The following LRP1B variants were observed in gnomAD, a reference collection of about 807,000 sequenced individuals.
LRP1B encodes LDL receptor related protein 1B, also known as low-density lipoprotein receptor-related protein 1B.
LRP1B carries 217 observed loss-of-function variants against 556.6 expected under a neutral mutation model. That is an observed-to-expected ratio of 0.39 (90% CI 0.35 to 0.44). The LOEUF is 0.44. Ranked by LOEUF, LRP1B falls within the 20% of genes least tolerant of loss-of-function variation. The pLI is 1.00. For synonymous variants in LRP1B, 2,047 were observed against 1,865.8 expected (o/e 1.10, Z -2.50); for missense variants, 5,053 against 5,620.8 (o/e 0.90, Z 3.23).
intron 49 of LRP1B, among the ~76,000 whole-genome samples, chr2:140,519,164 G>C (rs1690045938): frequency 6.6e-6 from 1 of 152,068 alleles, no homozygotes; most frequent in African/African-American, 2.4e-5. Context: ...ACAATCCTAA[G>C]CAAAAAGAAC....
At chr2:141,047,755 C>T (rs1698919482) in intron 11 of LRP1B, among the ~76,000 whole-genome samples, 1 of 152,064 alleles carries the variant, frequency 6.6e-6, no homozygotes, top group Middle Eastern at 3.2e-3. Context: ...CAGCAGCTTT[C>T]CATTTAGGTC....
intron 1 of LRP1B, among the ~76,000 whole-genome samples, chr2:141,942,813 A>G (rs1434232817): frequency 6.6e-6 from 1 of 152,190 alleles, no homozygotes; most frequent in Non-Finnish European, 1.5e-5. Context: ...CGAGGAGACC[A>G]TATATCTCCT....
intron 3 of LRP1B, among the ~76,000 whole-genome samples, chr2:141,279,649 T>C (rs144928610): frequency 2.0e-3 from 300 of 152,220 alleles, no homozygotes; most frequent in African/African-American, 6.8e-3. Context: ...ATGTCTGTCA[T>C]ATTTCATTTC....
Position 140,378,274 on chromosome 2 carries a change from C to T in LRP1B, c.10544G>A (p.Cys3515Tyr). 1.2e-6 allele frequency: 2 copies of T among 1,605,632 alleles called. No individual in the cohort carries two copies. The highest frequency in any genetic ancestry group is 1.7e-6 in the Non-Finnish European group (2 of 1,172,888). The change falls in exon 68 of 91, where the codon TGT becomes TAT. Residue 3515 changes from cysteine (C) to tyrosine (Y), a missense_variant. By Grantham distance (194) the Cys-to-Tyr change is radical. This residue lies in a region of LRP1B where 262 missense variants were observed against 395.1 expected (regional missense o/e 0.66). Coordinates refer to ENST00000389484, the MANE Select transcript of LRP1B (RefSeq NM_018557.3). The stretch of plus-strand genomic sequence containing the variant: ...GGCACAGAGGAAATCTTTCAATGTA[C>T]ATGTCTGTGGCTCTGGGGATAAAAA... ...SDEENCKPQT[C>Y]TLKDFLCANG...
intron 2 of LRP1B, among the ~76,000 whole-genome samples, chr2:141,535,116 T>C (rs1171718678): frequency 6.6e-6 from 1 of 152,178 alleles, no homozygotes; most frequent in East Asian, 1.9e-4. Context: ...CTAACAATTA[T>C]CTGACTGCTC....
chr2:140,537,948 A>G (rs1027728714), intron 45 of LRP1B, among the ~76,000 whole-genome samples: 1 of 152,106 alleles, frequency 6.6e-6, no homozygotes, highest in African/African-American at 2.4e-5. Context: ...GTCTGCTTGC[A>G]TGTACGTACT....
chr2:141,743,495 T>TTTTTC, intron 2 of LRP1B, among the ~76,000 whole-genome samples: 1 of 40,238 alleles, frequency 2.5e-5, no homozygotes, highest in Non-Finnish European at 5.6e-5. Context: ...TCTTTTTTTT[T>TTTTTC]TTTTTCTTTT....
At chr2:141,049,812 A>G (rs1268359469) in intron 10 of LRP1B, among the ~76,000 whole-genome samples, 1 of 152,064 alleles carries the variant, frequency 6.6e-6, no homozygotes, top group Admixed American at 6.6e-5. Context: ...TCAAATTTTA[A>G]TTAGAATGTT....
intron 86 of LRP1B, among the ~76,000 whole-genome samples, chr2:140,258,028 C>A (rs1237652485): frequency 1.3e-5 from 2 of 152,102 alleles, no homozygotes; most frequent in African/African-American, 4.8e-5. Context: ...TTAGCCATCA[C>A]AATGTAGAGG....
intron 20 of LRP1B, among the ~76,000 whole-genome samples, chr2:140,944,490 T>C (rs896682785): frequency 6.6e-6 from 1 of 152,116 alleles, no homozygotes; most frequent in Non-Finnish European, 1.5e-5. Context: ...ATATTCCTAA[T>C]GAACACAGAC....
chr2:141,887,747 A>G (rs1277169909), intron 1 of LRP1B, among the ~76,000 whole-genome samples: 2 of 152,204 alleles, frequency 1.3e-5, no homozygotes, highest in African/African-American at 2.4e-5. Flanking sequence ...GTCCACAAAT[A>G]TCGATCATCA....
At chr2:140,392,790 A>G (rs367885174) in intron 66 of LRP1B, among the ~76,000 whole-genome samples, 4 of 152,282 alleles carry the variant, frequency 2.6e-5, no homozygotes, top group East Asian at 3.9e-4. Context: ...TAATCTGTGA[A>G]TTTAAGGATG....
Position 141,625,530 on chromosome 2 carries a change from T to A in LRP1B, c.206-144997A>T, listed in dbSNP as rs375507167. ...ATTTTGCCCACTTATTTTAACCTTTTATTTGTTACTGAAAGAATGTAATCT... is the reference window on the plus strand; with the variant it reads ...ATTTTGCCCACTTATTTTAACCTTTAATTTGTTACTGAAAGAATGTAATCT... On this transcript the variant is annotated intron_variant, in intron 2 of 90. Transcript: ENST00000389484. Among the ~76,000 whole-genome samples, 7 of 152,196 alleles carry A rather than the reference T, an allele frequency of 4.6e-5. No homozygotes were observed. The East Asian group carries it at 5.8e-4, about 13-fold the overall frequency.
chr2:140,849,064 T>C (rs768026176), intron 29 of LRP1B, among the ~76,000 whole-genome samples: 2 of 151,606 alleles, frequency 1.3e-5, no homozygotes, highest in Non-Finnish European at 2.9e-5. Flanking sequence ...TAAGCTTAAG[T>C]AGGGGAGGGA....
Position 140,378,178 on chromosome 2 carries a change from A to G in LRP1B, c.10638+2T>C. On this transcript the variant is annotated splice_donor_variant, in intron 68 of 90. Coordinates refer to ENST00000389484, the MANE Select transcript of LRP1B (RefSeq NM_018557.3). LOFTEE classifies it high-confidence loss of function. ...TCTTTTTGATTTTACAAAGATGCCT[A>G]CCTCATCAGAGCCATCTGCACAGTC... 1 of 1,599,278 alleles carries G rather than the reference A, an allele frequency of 6.3e-7. No homozygotes were observed.
intron 35 of LRP1B, among the ~76,000 whole-genome samples, chr2:140,757,341 A>G (rs1320572684): frequency 6.6e-6 from 1 of 152,242 alleles, no homozygotes; most frequent in Non-Finnish European, 1.5e-5. Flanking sequence ...ACACAAAAAC[A>G]TCAATGATCC....
chr2:140,849,294 C>T lies in LRP1B; in HGVS notation c.4939+808G>A, dbSNP rs150210614. 2.1e-3 allele frequency among the ~76,000 whole-genome samples: 321 copies of T among 149,356 alleles called. 2 individuals carry two copies. Among genetic ancestry groups the T allele is most frequent in the African/African-American group, 7.3e-3 (294 of 40,534 alleles). On this transcript the variant is annotated intron_variant, in intron 29 of 90. Coordinates refer to ENST00000389484, the MANE Select transcript of LRP1B (RefSeq NM_018557.3). Reference sequence around the variant, plus strand: ...AGGCTGAGGCAGAGAATTGCTTGAACCTGGTAGATGGAGGTTGCAGTGAGC... The same window carrying T: ...AGGCTGAGGCAGAGAATTGCTTGAATCTGGTAGATGGAGGTTGCAGTGAGC...
chr2:141,356,707 G>A (rs968202651), intron 3 of LRP1B, among the ~76,000 whole-genome samples: 3 of 150,288 alleles, frequency 2.0e-5, no homozygotes. Flanking sequence ...CTCACTTTGA[G>A]AAGAAGACAA....
chr2:140,966,907 T>C (rs1225895745), intron 18 of LRP1B, among the ~76,000 whole-genome samples: 1 of 152,196 alleles, frequency 6.6e-6, no homozygotes, highest in Non-Finnish European at 1.5e-5. Context: ...TCTGTATCTC[T>C]GTTTTGGTAC....
Sources: allele counts gnomAD v4.1 joint callset (sites outside exome capture counted in the v4.1 genomes callset), GRCh38; gene constraint gnomAD v4.1.1; regional missense constraint gnomAD v4.1.1; transcripts MANE v1.5; gene names NCBI Gene and HGNC (gene_info 2026-07-23, HGNC 2026-07-21).